Variants in DYM observed in about 807,000 individuals in gnomAD.
The protein encoded by DYM is dymeclin.
Under a neutral mutation model 93.1 loss-of-function variants are expected in DYM, and 78 were observed. That is an observed-to-expected ratio of 0.84 (90% CI 0.70 to 1.01). The LOEUF (loss-of-function observed/expected upper bound fraction) is 1.01. Among genes scored for constraint, DYM ranks in the 50% least tolerant of loss-of-function variants. The pLI is 0.00. For synonymous variants in DYM, 321 were observed against 319.7 expected (o/e 1.00, Z -0.04); for missense variants, 789 against 845.0 (o/e 0.93, Z 0.82).
At chr18:49,245,917 C>T (rs557258070) in intron 13 of DYM, among the ~76,000 whole-genome samples, 17 of 152,250 alleles carry the variant, frequency 1.1e-4, no homozygotes, top group Admixed American at 2.6e-4. Context: ...GACCAGCCGA[C>T]ACTTAGGAAA....
chr18:49,246,868 T>A (rs1277997073), intron 13 of DYM, among the ~76,000 whole-genome samples: 1 of 152,230 alleles, frequency 6.6e-6, no homozygotes, highest in Non-Finnish European at 1.5e-5. Context: ...ATCAACTGGC[T>A]ACCTTACTGA....
intron 17 of DYM, among the ~76,000 whole-genome samples, chr18:49,089,242 T>G (rs925261313): frequency 6.6e-6 from 1 of 152,160 alleles, no homozygotes; most frequent in Non-Finnish European, 1.5e-5. Context: ...GCTCAATTAA[T>G]GTTAACTGAA....
chr18:49,295,954 ACT>A (rs1327677957), intron 8 of DYM, among the ~76,000 whole-genome samples: 1 of 151,888 alleles, frequency 6.6e-6, no homozygotes, highest in African/African-American at 2.4e-5. Context: ...ACAGAGTTTC[ACT>A]CTGTTTCCCA....
intron 14 of DYM, among the ~76,000 whole-genome samples, chr18:49,181,410 G>A (rs945134455): frequency 6.6e-6 from 1 of 152,106 alleles, no homozygotes; most frequent in Non-Finnish European, 1.5e-5. Flanking sequence ...AAACCAGCTG[G>A]TTTATAATAG....
intron 8 of DYM, among the ~76,000 whole-genome samples, chr18:49,320,229 A>G (rs2062359557): frequency 6.6e-6 from 1 of 152,216 alleles, no homozygotes; most frequent in Non-Finnish European, 1.5e-5. Context: ...ACAGTAATTC[A>G]TCCTCACAGT....
intron 6 of DYM, among the ~76,000 whole-genome samples, chr18:49,339,983 C>T (rs1035972280): frequency 2.0e-5 from 3 of 152,124 alleles, no homozygotes; most frequent in Non-Finnish European, 4.4e-5. Context: ...CAGAGTCTCG[C>T]TCTGTCGCCC....
intron 13 of DYM, among the ~76,000 whole-genome samples, chr18:49,234,381 C>CG (rs1251579454): frequency 6.6e-6 from 1 of 151,208 alleles, no homozygotes; most frequent in Non-Finnish European, 1.5e-5. Flanking sequence ...TGCTTGAGCC[C>CG]GGGAAGGGGA....
At chr18:49,292,395 CACACACAG>C (rs2060197819) in intron 8 of DYM, among the ~76,000 whole-genome samples, 1 of 143,802 alleles carries the variant, frequency 7.0e-6, no homozygotes, top group African/African-American at 2.6e-5. Flanking sequence ...CACACACACA[CACACACAG>C]AGCCCTCCTT....
chr18:49,124,830 T>C (rs569978617), intron 15 of DYM, among the ~76,000 whole-genome samples: 70 of 152,372 alleles, frequency 4.6e-4, no homozygotes, highest in Non-Finnish European at 8.7e-4. Context: ...TGGACTGCCA[T>C]GCTAGAAAGA....
In DYM at chr18:49,333,725, T is replaced by C; in HGVS notation, c.620+3A>G. ...ACTAGACATACTTAAAGTAGAAACA[T>C]ACCATGGACCTCGCATCAAATACTT... On this transcript the variant is annotated splice_donor_region_variant and intron_variant, in intron 7 of 17. Coordinates refer to ENST00000675505, the MANE Select transcript of DYM (RefSeq NM_001353214.3). The C allele has an allele frequency of 6.2e-7, 1 of 1,613,610 alleles. No homozygotes were observed. Among genetic ancestry groups the C allele is most frequent in the Admixed American group, 1.7e-5 (1 of 60,016 alleles).
At chr18:49,061,050 A>G (rs28472664) in intron 17 of DYM, among the ~76,000 whole-genome samples, 15,682 of 152,220 alleles carry the variant, frequency 0.1, 1,083 homozygotes, top group East Asian at 0.26. Flanking sequence ...TGGCTTCTCA[A>G]TGGAAACCAC....
chr18:49,233,893 G>A (rs1011414439), intron 13 of DYM, among the ~76,000 whole-genome samples: 5 of 152,166 alleles, frequency 3.3e-5, no homozygotes, highest in South Asian at 2.1e-4. Context: ...TTGGGAGGCC[G>A]AGGCGGGTGG....
At chr18:49,457,816 G>T (rs1213733208) in intron 1 of DYM, among the ~76,000 whole-genome samples, 1 of 152,162 alleles carries the variant, frequency 6.6e-6, no homozygotes, top group Non-Finnish European at 1.5e-5. Context: ...TAATTACATG[G>T]GTCCTTAAAA....
intron 17 of DYM, among the ~76,000 whole-genome samples, chr18:49,080,150 C>CGGGGGG (rs749381960): frequency 2.9e-3 from 29 of 10,106 alleles, no homozygotes; most frequent in South Asian, 5.1e-3. Flanking sequence ...GGCGGCTGGC[C>CGGGGGG]GGGGGGGGGC....
intron 13 of DYM, among the ~76,000 whole-genome samples, chr18:49,254,995 T>G (rs1353548440): frequency 3.9e-5 from 6 of 152,186 alleles, no homozygotes; most frequent in Non-Finnish European, 8.8e-5. Context: ...TATTCCAATG[T>G]CAGTCAACTA....
At chr18:49,180,776 C>T (rs1405635365) in intron 14 of DYM, among the ~76,000 whole-genome samples, 1 of 152,100 alleles carries the variant, frequency 6.6e-6, no homozygotes, top group African/African-American at 2.4e-5. Flanking sequence ...TTTTCTGAGA[C>T]TCAGTTTCCT....
At chr18:49,298,220 C>A (rs1179856445) in intron 8 of DYM, among the ~76,000 whole-genome samples, 1 of 152,076 alleles carries the variant, frequency 6.6e-6, no homozygotes, top group East Asian at 1.9e-4. Flanking sequence ...CATGGGCGAA[C>A]AAAGAAAAAT....
intron 15 of DYM, among the ~76,000 whole-genome samples, chr18:49,135,204 T>G (rs1422682547): frequency 6.6e-6 from 1 of 152,102 alleles, no homozygotes; most frequent in Non-Finnish European, 1.5e-5. Flanking sequence ...CACTTGGAAA[T>G]AATACTGCAA....
chr18:49,327,500 G>A (rs1278593035), intron 8 of DYM, among the ~76,000 whole-genome samples: 1 of 151,954 alleles, frequency 6.6e-6, no homozygotes, highest in African/African-American at 2.4e-5. Flanking sequence ...GGGTCTGCAG[G>A]CGCGCACCAC....
Sources: allele counts gnomAD v4.1 joint callset (sites outside exome capture counted in the v4.1 genomes callset), GRCh38; gene constraint gnomAD v4.1.1; transcripts MANE v1.5; gene names NCBI Gene and HGNC (gene_info 2026-07-23, HGNC 2026-07-21).